STAR: variants seen among roughly 807,000 people sequenced by gnomAD.
STAR encodes steroidogenic acute regulatory protein, mitochondrial.
A neutral mutation model predicts 32.3 loss-of-function variants in STAR; 32 were observed. The ratio of observed to expected loss-of-function variants is 0.99; its 90% CI spans 0.75 to 1.33. STAR has a LOEUF of 1.33. STAR is among the 40% of genes most tolerant of loss of function. The probability of loss-of-function intolerance (pLI) is 0.00; values close to 1 mark genes in which losing one functional copy is unlikely to be tolerated. For synonymous variants in STAR, 134 were observed against 140.5 expected (o/e 0.95, Z 0.33); for missense variants, 375 against 379.0 (o/e 0.99, Z 0.09).
At chr8:38,148,160 T>TGG (rs754593116) in intron 3 of STAR, 40 bp downstream of exon 3, 143 of 1,613,076 alleles carry the variant, frequency 8.9e-5, no homozygotes, top group Admixed American at 3.8e-4. Flanking sequence ...AGGATGGCAG[T>TGG]GGAGCATGGA....
At position 38,145,305 on chromosome 8, in the gene STAR, C is replaced by T. The variant is rs139081695; in HGVS notation, c.661G>A (p.Gly221Ser). The T allele has an allele frequency of 5.9e-5, 95 of 1,613,996 alleles. No homozygotes were observed. Among genetic ancestry groups the T allele is most frequent in the Non-Finnish European group, 7.6e-5 (90 of 1,180,036 alleles). Residue 221 changes from glycine to serine, a missense_variant, in exon 6 of 7, where the codon GGT becomes AGT. Physicochemically the swap from Gly to Ser is moderately conservative, Grantham distance 56. Coordinates refer to ENST00000276449, the MANE Select transcript of STAR (RefSeq NM_000349.3). Reference sequence around the variant, plus strand: ...GGGTGAAGCACCATGCAAGTGGGACCGTGCTCCGCCCTGGCAAATGGAGAA... The same window carrying T: ...GGGTGAAGCACCATGCAAGTGGGACTGTGCTCCGCCCTGGCAAATGGAGAA... Reference protein sequence around the residue: ...EQKGVIRAEHGPTCMVLHPLA... With the variant: ...EQKGVIRAEHSPTCMVLHPLA...
intron 4 of STAR, 25 bp downstream of exon 4, chr8:38,146,264 C>T (rs1346070762): frequency 1.2e-6 from 2 of 1,613,968 alleles, no homozygotes; most frequent in Non-Finnish European, 1.7e-6. Context: ...TGGGCCCCTG[C>T]CACCTGCACC....
rs753338920 is a variant in STAR at position 38,146,154 on chromosome 8, G to A, written c.466-7C>T. 4 of 1,613,828 alleles carry A rather than the reference G, an allele frequency of 2.5e-6. No homozygotes were observed. The Admixed American group carries it at 6.7e-5, about 27-fold the overall frequency. On this transcript the variant is annotated splice_polypyrimidine_tract_variant and splice_region_variant and intron_variant, in intron 4 of 6. Coordinates refer to ENST00000276449, the MANE Select transcript of STAR (RefSeq NM_000349.3). ...TTCCGATCTTCTGCAGGACCTACCA[G>A]GCCATGGGGAACCAGAATCACGACT...
chr8:38,146,699 T>C (rs1802579855), intron 3 of STAR, among the ~76,000 whole-genome samples: 1 of 151,842 alleles, frequency 6.6e-6, no homozygotes, highest in Admixed American at 6.6e-5. Flanking sequence ...TGCTTGAACC[T>C]GCACGGCAGA....
chr8:38,148,239 G>T lies in STAR; in HGVS notation c.267C>A (p.Ile89=). ...GEEAMQKALG[I]LSNQEGWKKE... is the part of the protein sequence containing the mutation. ...TCTTCCAGCCCTCTTGGTTGCTAAG[G>T]ATGCCCAAGGCCTTCTGCATGGCCT... Residue 89 remains isoleucine, a synonymous_variant, in exon 3 of 7, where the codon ATC becomes ATA. Transcript: ENST00000276449. 3 of 1,614,052 alleles carry T rather than the reference G, an allele frequency of 1.9e-6. No homozygotes were observed. The highest frequency in any genetic ancestry group is 2.5e-6 in the Non-Finnish European group (3 of 1,179,992).
At chr8:38,145,025 A>G (rs1802540625) in intron 6 of STAR, 197 bp downstream of exon 6, 2 of 1,407,860 alleles carry the variant, frequency 1.4e-6, no homozygotes, top group Non-Finnish European at 1.8e-6. Flanking sequence ...AAAAAAAAAA[A>G]AAAAGAAGAG....
intron 5 of STAR, 88 bp downstream of exon 5, chr8:38,145,875 G>C (rs1453730730): frequency 1.9e-5 from 29 of 1,553,992 alleles, no homozygotes; most frequent in Non-Finnish European, 2.2e-5. Context: ...TTGGTTTCTT[G>C]GAGCTGGGGA....
rs879150926 is a variant in STAR, at chr8:38,142,800, C to T, written c.*1473G>A. ...CCTCCCAAAGTGCTGAGATTACAGG[C>T]GGGAGCCACCTCACATAAATTCTCT... is the stretch of plus-strand genomic sequence containing the variant. On this transcript the variant is annotated 3_prime_UTR_variant, in exon 7 of 7. Transcript: ENST00000276449. Among the ~76,000 whole-genome samples the T allele has an allele frequency of 7.2e-5, 11 of 152,038 alleles. No individual in the cohort carries two copies. In the South Asian group the frequency reaches 1.5e-3, roughly 20 times the overall value.
intron 3 of STAR, among the ~76,000 whole-genome samples, chr8:38,147,918 C>G (rs1802601615): frequency 6.6e-6 from 1 of 152,236 alleles, no homozygotes; most frequent in Admixed American, 6.5e-5. Context: ...TTGGAGTTCC[C>G]CTTGCATGAT....
At position 38,144,152 on chromosome 8, in the gene STAR, A is replaced by AC. The variant is rs1802517782; in HGVS notation, c.*120dup. ...TCCTAGTGTCATACTCTAAACACGA[A>AC]CCCCACCCATCCCACTGTCACCAGA... On this transcript the variant is annotated 3_prime_UTR_variant, in exon 7 of 7. Transcript: ENST00000276449. 3 of 1,063,306 alleles carry AC rather than the reference A, an allele frequency of 2.8e-6. No individual in the cohort carries two copies. Among genetic ancestry groups the AC allele is most frequent in the South Asian group, 1.4e-5 (1 of 74,032 alleles). The allele number at this position is 1,063,306 out of a possible 1,614,324, so 65.9% of individuals were successfully genotyped here.
rs1802574115 is a variant in STAR, at chr8:38,146,339, C to T, written c.415G>A (p.Glu139Lys). The T allele has an allele frequency of 1.9e-6, 3 of 1,614,140 alleles. No homozygotes were observed. Among genetic ancestry groups the T allele is most frequent in the African/African-American group, 1.3e-5 (1 of 75,036 alleles). Residue 139 changes from glutamate (E) to lysine (K), a missense_variant, in exon 4 of 7, where the codon GAG becomes AAG. By Grantham distance (56) the Glu-to-Lys change is moderately conservative. Transcript: ENST00000276449. ...PMERLYEELV[E>K]RMEAMGEWNP... ...CACTCCCCCATTGCTTCCATGCGCT[C>T]CACGAGCTCTTCATAGAGCCTCTCC...
At position 38,145,027 on chromosome 8, in the gene STAR, AAAG is replaced by A. The variant is rs1240747255; in HGVS notation, c.744+192_744+194del. Reference sequence around the variant, plus strand: ...GAGTCTCGAAAAAAAAAAAAAAAAAAAAGAAGAGGGGGCCATCACAGGCTTTGG... The same window carrying A: ...GAGTCTCGAAAAAAAAAAAAAAAAAAAAGAGGGGGCCATCACAGGCTTTGG... On this transcript the variant is annotated intron_variant, in intron 6 of 6. Transcript: ENST00000276449. The A allele has an allele frequency of 7.1e-6, 10 of 1,400,086 alleles. No homozygotes were observed. The South Asian group carries it at 9.0e-5, about 13-fold the overall frequency. The allele number at this position is 1,400,086 out of a possible 1,614,324, so 86.7% of individuals were successfully genotyped here.
chr8:38,148,260 G>A lies in STAR; in HGVS notation c.246C>T (p.Ala82=), dbSNP rs1237760710. The change falls in exon 3 of 7, where the codon GCC becomes GCT. Residue 82 remains alanine, a synonymous_variant. Coordinates refer to ENST00000276449, the MANE Select transcript of STAR (RefSeq NM_000349.3). ...TAAGGATGCCCAAGGCCTTCTGCAT[G>A]GCCTCCTCCCCCTGCTGGAGATAGG... ...ELAYLQQGEE[A]MQKALGILSN... 6.2e-7 allele frequency: 1 copy of A among 1,614,070 alleles called. No homozygotes were observed.
chr8:38,146,005 GC>G lies in STAR; in HGVS notation c.607del (p.Ala203ProfsTer118). On this transcript the variant is annotated frameshift_variant, in exon 5 of 7. Transcript: ENST00000276449. LOFTEE classifies it high-confidence loss of function. ...RGSTCVLAGMATDFGNMPEQK... is the reference protein window; with the variant it reads ...RGSTCVLAGMXTDFGNMPEQK... Reference sequence around the variant, plus strand: ...CTCAGGCATGTTCCCGAAGTCTGTGGCCATGCCAGCCAGCACACAGGTGGAG... The same window carrying G: ...CTCAGGCATGTTCCCGAAGTCTGTGGCATGCCAGCCAGCACACAGGTGGAG... The G allele has an allele frequency of 6.2e-7, 1 of 1,614,220 alleles. No individual in the cohort carries two copies. Among genetic ancestry groups the G allele is most frequent in the South Asian group, 1.1e-5 (1 of 91,084 alleles).
intron 1 of STAR, among the ~76,000 whole-genome samples, chr8:38,149,560 G>A (rs1055250737): frequency 6.6e-6 from 1 of 151,996 alleles, no homozygotes; most frequent in Admixed American, 6.6e-5. Flanking sequence ...TCTCTTCTCC[G>A]TCTTTTTTTG....
In STAR at chr8:38,144,198, G is replaced by C; in HGVS notation, c.*75C>G. The C allele has an allele frequency of 1.4e-6, 2 of 1,439,158 alleles. No homozygotes were observed. The highest frequency in any genetic ancestry group is 9.5e-7 in the Non-Finnish European group (1 of 1,051,170). The allele number at this position is 1,439,158 out of a possible 1,614,324, so 89.1% of individuals were successfully genotyped here. On this transcript the variant is annotated 3_prime_UTR_variant, in exon 7 of 7. Transcript: ENST00000276449. ...CCAGATGGAGATCTTAGACTTGCAG[G>C]CTTCCAGTAGGGATTCTCCTGATGA...
In STAR at chr8:38,150,915, T is replaced by C; in HGVS notation, c.-97A>G. 1 of 1,598,158 alleles carries C rather than the reference T, an allele frequency of 6.3e-7. No homozygotes were observed. Among genetic ancestry groups the C allele is most frequent in the Non-Finnish European group, 8.5e-7 (1 of 1,179,342 alleles). On this transcript the variant is annotated 5_prime_UTR_variant, in exon 1 of 7. Coordinates refer to ENST00000276449, the MANE Select transcript of STAR (RefSeq NM_000349.3). ...CTCAAGGGTGGTTCTTCGTCCTTCC[T>C]GAGCCCCTCAAGCTTCGCCTCTGAG...
chr8:38,144,194 G>T lies in STAR; in HGVS notation c.*79C>A. Reference sequence around the variant, plus strand: ...GTCACCAGATGGAGATCTTAGACTTGCAGGCTTCCAGTAGGGATTCTCCTG... The same window carrying T: ...GTCACCAGATGGAGATCTTAGACTTTCAGGCTTCCAGTAGGGATTCTCCTG... On this transcript the variant is annotated 3_prime_UTR_variant, in exon 7 of 7. Coordinates refer to ENST00000276449, the MANE Select transcript of STAR (RefSeq NM_000349.3). 1 of 1,410,166 alleles carries T rather than the reference G, an allele frequency of 7.1e-7. No individual in the cohort carries two copies. The highest frequency in any genetic ancestry group is 9.7e-7 in the Non-Finnish European group (1 of 1,026,006). 87.4% of individuals were successfully genotyped at this position (1,410,166 alleles called of 1,614,324 possible). A position where few individuals can be genotyped will look rare whatever the true frequency, so the allele number is the denominator to read the frequency against.
Position 38,146,055 on chromosome 8 carries a change from G to T in STAR, c.558C>A (p.Ser186Arg). Residue 186 changes from serine (S) to arginine (R), a missense_variant, in exon 5 of 7, where the codon AGC becomes AGA. Coordinates refer to ENST00000276449, the MANE Select transcript of STAR (RefSeq NM_000349.3). ...GNLVGPRDFVSVRCAKRRGST... is the reference protein window; with the variant it reads ...GNLVGPRDFVRVRCAKRRGST... ...AGCCTCGGCGCTTGGCACAGCGCAC[G>T]CTCACAAAGTCACGGGGCCCCACCA... The T allele has an allele frequency of 1.2e-6, 2 of 1,614,232 alleles. No homozygotes were observed. The highest frequency in any genetic ancestry group is 1.3e-5 in the African/African-American group (1 of 75,060).
Sources: allele counts gnomAD v4.1 joint callset (sites outside exome capture counted in the v4.1 genomes callset), GRCh38; gene constraint gnomAD v4.1.1; transcripts MANE v1.5; gene names NCBI Gene and HGNC (gene_info 2026-07-23, HGNC 2026-07-21).